The following VPS13B variants were observed in gnomAD, a reference collection of about 807,000 sequenced individuals.
VPS13B encodes the protein intermembrane lipid transfer protein VPS13B.
VPS13B carries 285 observed loss-of-function variants against 426.4 expected under a neutral mutation model. The observed-to-expected ratio is 0.67, with a 90% confidence interval of 0.61 to 0.74. VPS13B has a LOEUF of 0.74. VPS13B is among the 30% of genes least tolerant of loss of function. The probability of loss-of-function intolerance (pLI) is 0.00; values close to 1 mark genes in which losing one functional copy is unlikely to be tolerated. For missense variants in VPS13B, 4,537 were observed against 4,782.6 expected (o/e 0.95, Z 1.51); for synonymous variants, 1,676 against 1,676.4 (o/e 1.00, Z 0.01).
intron 33 of VPS13B, among the ~76,000 whole-genome samples, chr8:99,617,212 TG>T (rs1717489126): frequency 6.6e-6 from 1 of 152,240 alleles, no homozygotes; most frequent in African/African-American, 2.4e-5. Context: ...CTCACATAGA[TG>T]ATCTATTTTA....
At chr8:99,269,728 G>C (rs1043894406) in intron 17 of VPS13B, among the ~76,000 whole-genome samples, 1 of 152,130 alleles carries the variant, frequency 6.6e-6, no homozygotes, top group Non-Finnish European at 1.5e-5. Flanking sequence ...GTATTCCTGT[G>C]AGTGGTGCCC....
At chr8:99,479,608 C>T (rs1819929780) in intron 24 of VPS13B, among the ~76,000 whole-genome samples, 2 of 152,178 alleles carry the variant, frequency 1.3e-5, no homozygotes, top group Non-Finnish European at 2.9e-5. Flanking sequence ...CCTCCCATTC[C>T]TCCCCATCAC....
At chr8:99,254,010 T>C (rs1817632604) in intron 17 of VPS13B, among the ~76,000 whole-genome samples, 2 of 152,216 alleles carry the variant, frequency 1.3e-5, no homozygotes, top group African/African-American at 2.4e-5. Flanking sequence ...CTTGCTCTTA[T>C]GTTCCTTTAC....
intron 30 of VPS13B, among the ~76,000 whole-genome samples, chr8:99,524,576 T>G (rs191689639): frequency 6.6e-6 from 1 of 152,184 alleles, no homozygotes; most frequent in Non-Finnish European, 1.5e-5. Context: ...GAGGATTGCT[T>G]GAGCCCGGGA....
chr8:99,554,600 T>C (rs1824452741), intron 30 of VPS13B, among the ~76,000 whole-genome samples: 1 of 152,086 alleles, frequency 6.6e-6, no homozygotes, highest in Non-Finnish European at 1.5e-5. Flanking sequence ...GGAAGACTGA[T>C]AAGTCAATGT....
intron 34 of VPS13B, 104 bp downstream of exon 34, chr8:99,642,602 T>C: frequency 9.8e-7 from 1 of 1,019,768 alleles, no homozygotes; most frequent in Admixed American, 2.2e-5. Context: ...CAGACAAAAG[T>C]CTTTTCTCTA....
intron 23 of VPS13B, among the ~76,000 whole-genome samples, chr8:99,464,935 C>A (rs749070502): frequency 2.6e-5 from 4 of 152,146 alleles, no homozygotes; most frequent in Non-Finnish European, 5.9e-5. Flanking sequence ...AAGAGATTCT[C>A]AATCTTCCTG....
chr8:99,485,084 G>A (rs1820235080), intron 25 of VPS13B, among the ~76,000 whole-genome samples: 1 of 152,140 alleles, frequency 6.6e-6, no homozygotes, highest in African/African-American at 2.4e-5. Context: ...AACAGAGCAG[G>A]CAAGTTGACA....
At chr8:99,298,919 G>T (rs572081945) in intron 19 of VPS13B, among the ~76,000 whole-genome samples, 1 of 152,196 alleles carries the variant, frequency 6.6e-6, no homozygotes, top group Non-Finnish European at 1.5e-5. Flanking sequence ...TGAGTGGCAG[G>T]TGCTCAGAAA....
intron 3 of VPS13B, among the ~76,000 whole-genome samples, chr8:99,041,486 T>A (rs954904175): frequency 3.3e-5 from 5 of 152,210 alleles, no homozygotes; most frequent in African/African-American, 1.2e-4. Flanking sequence ...TCTAGGGGCC[T>A]CATCTGTAAA....
At chr8:99,546,150 T>G (rs1264813039) in intron 30 of VPS13B, among the ~76,000 whole-genome samples, 1 of 152,040 alleles carries the variant, frequency 6.6e-6, no homozygotes, top group Non-Finnish European at 1.5e-5. Flanking sequence ...TGACCGATTT[T>G]ATAATATTTG....
At chr8:99,614,404 A>G (rs1174285218) in intron 33 of VPS13B, among the ~76,000 whole-genome samples, 2 of 151,920 alleles carry the variant, frequency 1.3e-5, no homozygotes, top group Non-Finnish European at 2.9e-5. Context: ...CAGACTCCCA[A>G]GTAGCTGGGA....
At chr8:99,733,481 T>TA (rs1006188854) in intron 39 of VPS13B, among the ~76,000 whole-genome samples, 5 of 152,176 alleles carry the variant, frequency 3.3e-5, no homozygotes, top group African/African-American at 7.2e-5. Context: ...CTGTTGGATG[T>TA]AAAAAAATAT....
At chr8:99,777,077 A>G in intron 41 of VPS13B, 121 bp downstream of exon 41, 3 of 1,256,782 alleles carry the variant, frequency 2.4e-6, no homozygotes, top group South Asian at 2.4e-5. Context: ...TAAAGCGAGC[A>G]GTGGCAAAGT....
intron 4 of VPS13B, among the ~76,000 whole-genome samples, chr8:99,097,987 A>T (rs569621130): frequency 6.6e-6 from 1 of 152,332 alleles, no homozygotes; most frequent in African/African-American, 2.4e-5. Context: ...TACAGATATT[A>T]ACAAAGACTT....
chr8:99,516,787 CA>C (rs528490868), intron 29 of VPS13B, among the ~76,000 whole-genome samples: 365 of 16,672 alleles, frequency 0.022, no homozygotes, highest in African/African-American at 0.093. Context: ...GACCGTGTCT[CA>C]AAAAAAAAAA....
At position 99,853,696 on chromosome 8, in the gene VPS13B, A is replaced by C. The variant is rs1816407508; in HGVS notation, c.10307A>C (p.Lys3436Thr). Reference protein sequence around the residue: ...DLQLDNQLYNKSNFHFAVLVC... With the variant: ...DLQLDNQLYNTSNFHFAVLVC... ...CAGCTAGACAACCAGCTTTATAACA[A>C]GTCCAATTTCCACTTTGCTGTCTTA... Residue 3436 changes from lysine to threonine, a missense_variant, in exon 56 of 62, where the codon AAG becomes ACG. Physicochemically the swap from Lys to Thr is moderately conservative, Grantham distance 78 (BLOSUM62 -1). Coordinates refer to ENST00000357162, the MANE Select transcript of VPS13B (RefSeq NM_152564.5). 3 of 1,614,244 alleles carry C rather than the reference A, an allele frequency of 1.9e-6. No homozygotes were observed. The highest frequency in any genetic ancestry group is 2.5e-6 in the Non-Finnish European group (3 of 1,180,044).
At chr8:99,739,376 CTG>C (rs887959143) in intron 39 of VPS13B, among the ~76,000 whole-genome samples, 1 of 152,230 alleles carries the variant, frequency 6.6e-6, no homozygotes, top group Non-Finnish European at 1.5e-5. Flanking sequence ...CTGCCTGCCT[CTG>C]TAGACTCCAC....
At chr8:99,303,408 A>T (rs1019194647) in intron 19 of VPS13B, among the ~76,000 whole-genome samples, 1 of 151,766 alleles carries the variant, frequency 6.6e-6, no homozygotes, top group East Asian at 1.9e-4. Context: ...CTTTGTAACT[A>T]GCTATATTTT....
Sources: allele counts gnomAD v4.1 joint callset (sites outside exome capture counted in the v4.1 genomes callset), GRCh38; gene constraint gnomAD v4.1.1; transcripts MANE v1.5; gene names NCBI Gene and HGNC (gene_info 2026-07-23, HGNC 2026-07-21).